Variants in CPED1 observed in about 807,000 individuals in gnomAD.
The protein encoded by CPED1 is cadherin like and PC-esterase domain containing 1.
Under a neutral mutation model 128.2 loss-of-function variants are expected in CPED1, and 114 were observed. The ratio of observed to expected loss-of-function variants is 0.89; its 90% CI spans 0.76 to 1.04. CPED1 has a LOEUF of 1.04. Ranked by LOEUF, CPED1 falls within the 50% of genes least tolerant of loss-of-function variation. The pLI is 0.00. For missense variants in CPED1, 1,211 were observed against 1,207.1 expected (o/e 1.00, Z -0.05); for synonymous variants, 462 against 426.7 (o/e 1.08, Z -1.02).
chr7:121,224,633 C>CTGGGTACTCCTGTAT (rs1279457179), intron 16 of CPED1, among the ~76,000 whole-genome samples: 1 of 152,054 alleles, frequency 6.6e-6, no homozygotes, highest in Non-Finnish European at 1.5e-5. Flanking sequence ...CTTTATGAAT[C>CTGGGTACTCCTGTAT]TGGGTACTCC....
At chr7:121,265,900 A>G (rs1170740778) in intron 18 of CPED1, among the ~76,000 whole-genome samples, 1 of 152,100 alleles carries the variant, frequency 6.6e-6, no homozygotes, top group Non-Finnish European at 1.5e-5. Flanking sequence ...AAAATGCTTC[A>G]TGTCTATTTG....
In CPED1 at chr7:121,111,972, G is replaced by A. The variant is rs527726242; in HGVS notation, c.918+11878G>A. Among the ~76,000 whole-genome samples the A allele has an allele frequency of 1.1e-4, 16 of 152,236 alleles. No homozygotes were observed. The Middle Eastern group carries it at 0.014, about 129-fold the overall frequency. On this transcript the variant is annotated intron_variant, in intron 7 of 22. Transcript: ENST00000310396. ...CTCTATAGGCAGATGGTGGCTAAGC[G>A]AGGCTGGGTAGTCTAGCCTGCCTTC...
Position 121,108,117 on chromosome 7 carries a change from C to CT in CPED1, c.918+8029dup, listed in dbSNP as rs556876054. Reference sequence around the variant, plus strand: ...AATTACTGTATTGCCCCCTAGTGGTCTTTTTTGCTATTGTACAAATAGTCT... The same window carrying CT: ...AATTACTGTATTGCCCCCTAGTGGTCTTTTTTTGCTATTGTACAAATAGTCT... On this transcript the variant is annotated intron_variant, in intron 7 of 22. Coordinates refer to ENST00000310396, the MANE Select transcript of CPED1 (RefSeq NM_024913.5). Among the ~76,000 whole-genome samples the CT allele has an allele frequency of 1.8e-3, 269 of 152,100 alleles. 3 individuals are homozygous for CT. The highest frequency in any genetic ancestry group is 6.0e-3 in the African/African-American group (250 of 41,506).
At chr7:121,154,702 C>T (rs904016981) in intron 16 of CPED1, among the ~76,000 whole-genome samples, 9 of 151,960 alleles carry the variant, frequency 5.9e-5, no homozygotes, top group African/African-American at 1.2e-4. Flanking sequence ...TGCGCCAGCA[C>T]GCCCAGCTAA....
intron 16 of CPED1, among the ~76,000 whole-genome samples, chr7:121,226,282 A>T (rs1240876970): frequency 6.6e-6 from 1 of 151,978 alleles, no homozygotes; most frequent in East Asian, 1.9e-4. Context: ...TCCACTCCAG[A>T]TCCTGTTTGC....
At chr7:120,992,384 T>C (rs1359499222) in intron 2 of CPED1, among the ~76,000 whole-genome samples, 1 of 152,160 alleles carries the variant, frequency 6.6e-6, no homozygotes, top group Non-Finnish European at 1.5e-5. Context: ...CAGAATGTAT[T>C]TAGATGTATG....
At chr7:121,035,689 C>G (rs1043200863) in intron 3 of CPED1, among the ~76,000 whole-genome samples, 3 of 151,720 alleles carry the variant, frequency 2.0e-5, no homozygotes, top group Non-Finnish European at 4.4e-5. Context: ...TAAAAAATAG[C>G]CAGGTATAGT....
intron 3 of CPED1, among the ~76,000 whole-genome samples, chr7:121,017,029 T>C (rs1042913782): frequency 7.9e-5 from 12 of 152,258 alleles, no homozygotes; most frequent in Non-Finnish European, 5.9e-5. Context: ...TCTGAGAAGG[T>C]TGGGGGACTA....
intron 22 of CPED1, among the ~76,000 whole-genome samples, chr7:121,286,642 G>A (rs1473001651): frequency 6.6e-6 from 1 of 152,162 alleles, no homozygotes; most frequent in Admixed American, 6.5e-5. Context: ...GATTACAGAT[G>A]TGCTCAAGAA....
chr7:121,179,220 G>C (rs911990802), intron 16 of CPED1, among the ~76,000 whole-genome samples: 1 of 152,056 alleles, frequency 6.6e-6, no homozygotes, highest in African/African-American at 2.4e-5. Flanking sequence ...TGTTCCCCTA[G>C]AATGGTGAGG....
chr7:121,040,708 C>T (rs1171152285), intron 3 of CPED1, among the ~76,000 whole-genome samples: 4 of 151,940 alleles, frequency 2.6e-5, no homozygotes, highest in Middle Eastern at 3.4e-3. Context: ...AAAATATCCT[C>T]ACATATTATA....
At position 121,261,587 on chromosome 7, in the gene CPED1, G is replaced by A. The variant is rs755796224; in HGVS notation, c.2311-4640G>A. The A allele has an allele frequency of 1.8e-5, 29 of 1,588,506 alleles. No individual in the cohort carries two copies. The Admixed American group carries it at 2.7e-4, about 15-fold the overall frequency. On this transcript the variant is annotated intron_variant, in intron 18 of 22. Transcript: ENST00000310396. ...AGGAATGATGTGACCAGCTTCCAGC[G>A]CTGGCCCATAGAAAACCTGACAGCT...
At chr7:121,262,634 T>C (rs888009806) in intron 18 of CPED1, among the ~76,000 whole-genome samples, 9 of 152,070 alleles carry the variant, frequency 5.9e-5, no homozygotes, top group Admixed American at 5.9e-4. Flanking sequence ...AGAGAAAGAA[T>C]TATTTATAAA....
At chr7:121,281,688 G>T (rs946042157) in intron 22 of CPED1, among the ~76,000 whole-genome samples, 3 of 152,082 alleles carry the variant, frequency 2.0e-5, no homozygotes, top group African/African-American at 7.2e-5. Flanking sequence ...ACTCCATTTA[G>T]CTCCAAAATT....
At chr7:121,154,787 G>A (rs564479419) in intron 16 of CPED1, among the ~76,000 whole-genome samples, 10 of 152,104 alleles carry the variant, frequency 6.6e-5, no homozygotes, top group Admixed American at 2.0e-4. Context: ...CTTGTGATCC[G>A]CCCACCTCGG....
At chr7:121,222,990 A>T (rs1375589689) in intron 16 of CPED1, among the ~76,000 whole-genome samples, 1 of 152,156 alleles carries the variant, frequency 6.6e-6, no homozygotes, top group Non-Finnish European at 1.5e-5. Flanking sequence ...TTCCAACACT[A>T]TGTTGAATAG....
chr7:121,029,263 C>G (rs966167895), intron 3 of CPED1, among the ~76,000 whole-genome samples: 3 of 152,102 alleles, frequency 2.0e-5, no homozygotes, highest in African/African-American at 7.2e-5. Context: ...ATTTCTAAAG[C>G]TCTTCATTTG....
At chr7:121,237,736 T>A (rs1007970846) in intron 17 of CPED1, among the ~76,000 whole-genome samples, 2 of 152,078 alleles carry the variant, frequency 1.3e-5, no homozygotes, top group African/African-American at 4.8e-5. Context: ...CTCAGGAGCT[T>A]TTCTACCCTT....
intron 16 of CPED1, among the ~76,000 whole-genome samples, chr7:121,207,821 G>A (rs1456258065): frequency 6.6e-6 from 1 of 151,964 alleles, no homozygotes; most frequent in South Asian, 2.1e-4. Context: ...GAAGGGGAAT[G>A]GGTGTGTTTT....
Sources: allele counts gnomAD v4.1 joint callset (sites outside exome capture counted in the v4.1 genomes callset), GRCh38; gene constraint gnomAD v4.1.1; transcripts MANE v1.5; gene names NCBI Gene and HGNC (gene_info 2026-07-23, HGNC 2026-07-21).